FAM3C: variants seen among roughly 807,000 people sequenced by gnomAD.
FAM3C encodes FAM3 metabolism regulating signaling molecule C, also known as protein FAM3C.
In FAM3C, 15 loss-of-function variants were observed where a neutral mutation model predicts 32.5. The ratio of observed to expected loss-of-function variants is 0.46; its 90% CI spans 0.31 to 0.71. FAM3C has a LOEUF of 0.71. Among genes scored for constraint, FAM3C ranks in the 30% least tolerant of loss-of-function variants. The pLI, the probability that FAM3C is intolerant of heterozygous loss-of-function variation, is 0.05. For synonymous variants in FAM3C, 75 were observed against 86.1 expected, an observed-to-expected ratio of 0.87 and a Z score of 0.72; for missense variants, 175 against 274.4, an observed-to-expected ratio of 0.64 and a Z score of 2.56.
At chr7:121,351,109 G>C (rs1239649856) in intron 9 of FAM3C, 34 bp downstream of exon 9, 1 of 1,590,200 alleles carries the variant, frequency 6.3e-7, no homozygotes, top group East Asian at 2.2e-5. Context: ...CACAGAATTT[G>C]TTTTTGTTAA....
At chr7:121,362,718 A>C (rs1793949837) in intron 7 of FAM3C, 179 bp downstream of exon 7, 1 of 555,108 alleles carries the variant, frequency 1.8e-6, no homozygotes, top group Middle Eastern at 3.2e-4. Flanking sequence ...AAGAAGAAGA[A>C]AGTATATAAA....
chr7:121,371,467 A>G (rs2116917561), intron 4 of FAM3C, 44 bp from the exon 5 acceptor site: 2 of 1,602,324 alleles, frequency 1.2e-6, no homozygotes, highest in East Asian at 4.5e-5. Context: ...AAAACAAGTT[A>G]ACAGACTTTA....
At chr7:121,381,499 T>C (rs561263483) in intron 2 of FAM3C, among the ~76,000 whole-genome samples, 1 of 152,322 alleles carries the variant, frequency 6.6e-6, no homozygotes, top group Non-Finnish European at 1.5e-5. Flanking sequence ...AGAAATGGAC[T>C]AAATGACAAA....
Position 121,350,499 on chromosome 7 carries a change from C to T in FAM3C, c.646G>A (p.Val216Ile), listed in dbSNP as rs374441315. ...TGGGGGATGCATCCTTCCATTTCTACAACTTCAGGCCATCCTTCATATTTG... is the reference window on the plus strand; with the variant it reads ...TGGGGGATGCATCCTTCCATTTCTATAACTTCAGGCCATCCTTCATATTTG... ...TNKYEGWPEV[V>I]EMEGCIPQKQ... is the part of the protein sequence containing the mutation. The change falls in exon 10 of 10, where the codon GTA (valine) becomes ATA (isoleucine). Residue 216 changes from valine (V) to isoleucine (I), a missense_variant. Coordinates refer to ENST00000359943, the MANE Select transcript of FAM3C (RefSeq NM_014888.3). 2.3e-5 allele frequency: 37 copies of T among 1,612,516 alleles called. No homozygotes were observed. Among genetic ancestry groups the T allele is most frequent in the Non-Finnish European group, 3.1e-5 (37 of 1,179,396 alleles).
At chr7:121,392,796 G>A (rs1049550576) in intron 1 of FAM3C, among the ~76,000 whole-genome samples, 3 of 152,106 alleles carry the variant, frequency 2.0e-5, no homozygotes, top group Admixed American at 6.5e-5. Flanking sequence ...ACAAAATGCA[G>A]TACGTATCAA....
At chr7:121,357,594 G>C (rs552953405) in intron 8 of FAM3C, among the ~76,000 whole-genome samples, 1 of 152,066 alleles carries the variant, frequency 6.6e-6, no homozygotes, top group Non-Finnish European at 1.5e-5. Context: ...TCTTTTACTG[G>C]TATTTAGGAA....
chr7:121,351,054 T>C (rs1793693898), intron 9 of FAM3C, 89 bp downstream of exon 9: 1 of 1,189,782 alleles, frequency 8.4e-7, no homozygotes, highest in Admixed American at 2.1e-5. Context: ...ATCCGCTTTA[T>C]CTAATTTTCA....
chr7:121,371,650 G>C (rs778742895), intron 4 of FAM3C, among the ~76,000 whole-genome samples: 2 of 151,936 alleles, frequency 1.3e-5, no homozygotes, highest in African/African-American at 2.4e-5. Context: ...GATCTTCCTA[G>C]GAAACAAACT....
rs190805977 is a variant in FAM3C at position 121,374,307 on chromosome 7, A to G, written c.119-2168T>C. Reference sequence around the variant, plus strand: ...TATCTCAAAATAAAGTTTTATAAAAAATTGTTTTTAAAAATTCATAATCGA... The same window carrying G: ...TATCTCAAAATAAAGTTTTATAAAAGATTGTTTTTAAAAATTCATAATCGA... On this transcript the variant is annotated intron_variant, in intron 3 of 9. Transcript: ENST00000359943. 6.6e-3 allele frequency among the ~76,000 whole-genome samples: 1,012 copies of G among 152,344 alleles called. 8 individuals carry two copies. Among genetic ancestry groups the G allele is most frequent in the Non-Finnish European group, 9.9e-3 (675 of 68,026 alleles).
intron 5 of FAM3C, among the ~76,000 whole-genome samples, chr7:121,365,584 A>C (rs1383382411): frequency 6.6e-6 from 1 of 152,124 alleles, no homozygotes; most frequent in African/African-American, 2.4e-5. Flanking sequence ...CACTTTTTTA[A>C]AATGTTTATG....
At chr7:121,369,867 A>G (rs1794108839) in intron 5 of FAM3C, among the ~76,000 whole-genome samples, 1 of 152,184 alleles carries the variant, frequency 6.6e-6, no homozygotes, top group Admixed American at 6.5e-5. Context: ...GGATGTGGGT[A>G]AACAGTTGAG....
In FAM3C at chr7:121,379,106, T is replaced by G. The variant is rs778128465; in HGVS notation, c.14-92A>C. On this transcript the variant is annotated intron_variant, in intron 2 of 9. Coordinates refer to ENST00000359943, the MANE Select transcript of FAM3C (RefSeq NM_014888.3). ...AAAAATGTTTATAAATTTTTTAAGA[T>G]CAATACATTTCTACTTTGTATCTAT... 241 of 693,168 alleles carry G rather than the reference T, an allele frequency of 3.5e-4. 1 individual carries two copies. Among genetic ancestry groups the G allele is most frequent in the Non-Finnish European group, 5.3e-4 (211 of 401,598 alleles). The allele number at this position is 693,168 out of a possible 1,614,324, so 42.9% of individuals were successfully genotyped here.
intron 1 of FAM3C, among the ~76,000 whole-genome samples, chr7:121,383,579 A>G (rs1794405303): frequency 6.6e-6 from 1 of 152,226 alleles, no homozygotes; most frequent in African/African-American, 2.4e-5. Flanking sequence ...ATAATATGTT[A>G]AGAAGTACAG....
rs975198295 is a variant in FAM3C at position 121,349,352 on chromosome 7, T to C, written c.*1109A>G. On this transcript the variant is annotated 3_prime_UTR_variant, in exon 10 of 10. Coordinates refer to ENST00000359943, the MANE Select transcript of FAM3C (RefSeq NM_014888.3). ...AAACTTCTGCTTAAAAACTGAGTTATTTAGTGAACATCTGAAGGTAACAAA... is the reference window on the plus strand; with the variant it reads ...AAACTTCTGCTTAAAAACTGAGTTACTTAGTGAACATCTGAAGGTAACAAA... 5 of 152,302 alleles carry C rather than the reference T, an allele frequency of 3.3e-5. No individual in the cohort carries two copies. In the East Asian group the frequency reaches 5.8e-4, roughly 18 times the overall value. The allele number at this position is 152,302 out of a possible 1,614,324, so 9.4% of individuals were successfully genotyped here.
chr7:121,389,469 T>G (rs1243871215), intron 1 of FAM3C, among the ~76,000 whole-genome samples: 3 of 152,184 alleles, frequency 2.0e-5, no homozygotes, highest in Admixed American at 6.5e-5. Context: ...CTACTACTAC[T>G]GAAGGAAGCA....
At chr7:121,386,964 A>G (rs1794477750) in intron 1 of FAM3C, among the ~76,000 whole-genome samples, 1 of 152,014 alleles carries the variant, frequency 6.6e-6, no homozygotes, top group Non-Finnish European at 1.5e-5. Context: ...TTATGTGAGT[A>G]AAACAGGGCA....
In FAM3C at chr7:121,382,951, T is replaced by A. The variant is rs748303800; in HGVS notation, c.13+6A>T. On this transcript the variant is annotated splice_donor_region_variant and intron_variant, in intron 2 of 9. Transcript: ENST00000359943. ...ACAATTACTTCTACTAAATTAAATA[T>A]CTTACCTGCTACCCTCATGTTTGGT... 1.9e-5 allele frequency: 31 copies of A among 1,598,100 alleles called. No homozygotes were observed. The Admixed American group carries it at 3.9e-4, about 20-fold the overall frequency.
intron 8 of FAM3C, among the ~76,000 whole-genome samples, chr7:121,354,233 T>G (rs1266615420): frequency 6.6e-6 from 1 of 152,188 alleles, no homozygotes; most frequent in Non-Finnish European, 1.5e-5. Context: ...AGGTTGGAGA[T>G]ACAAGCTTTT....
chr7:121,360,008 T>C, intron 8 of FAM3C, 35 bp downstream of exon 8: 1 of 1,069,476 alleles, frequency 9.4e-7, no homozygotes, highest in South Asian at 1.3e-5. Flanking sequence ...TAATTACAAA[T>C]TATAGTTCCA....
Sources: allele counts gnomAD v4.1 joint callset (sites outside exome capture counted in the v4.1 genomes callset), GRCh38; gene constraint gnomAD v4.1.1; transcripts MANE v1.5; gene names NCBI Gene and HGNC (gene_info 2026-07-23, HGNC 2026-07-21).